CDH12: variants seen among roughly 807,000 people sequenced by gnomAD.
The protein encoded by CDH12 is cadherin-12.
A neutral mutation model predicts 74.1 loss-of-function variants in CDH12; 41 were observed. The ratio of observed to expected loss-of-function variants is 0.55; its 90% CI spans 0.43 to 0.72. CDH12 has a LOEUF of 0.72. CDH12 is among the 30% of genes least tolerant of loss of function. CDH12 has a pLI of 0.00. For missense variants in CDH12, 945 were observed against 977.2 expected, an observed-to-expected ratio of 0.97 and a Z score of 0.44; for synonymous variants, 399 against 355.0, an observed-to-expected ratio of 1.12 and a Z score of -1.39.
chr5:22,158,446 C>T (rs1748150123), intron 4 of CDH12, among the ~76,000 whole-genome samples: 1 of 151,916 alleles, frequency 6.6e-6, no homozygotes, highest in Non-Finnish European at 1.5e-5. Context: ...CCCAGAAAAC[C>T]ACTGGGAGGT....
intron 3 of CDH12, among the ~76,000 whole-genome samples, chr5:22,312,442 T>C (rs1738434326): frequency 6.6e-6 from 1 of 152,206 alleles, no homozygotes; most frequent in African/African-American, 2.4e-5. Flanking sequence ...ATTTTCTAAA[T>C]GTATTCATTC....
intron 4 of CDH12, among the ~76,000 whole-genome samples, chr5:22,097,140 G>A (rs1743830172): frequency 6.6e-6 from 1 of 152,154 alleles, no homozygotes; most frequent in Non-Finnish European, 1.5e-5. Context: ...CTGGCCACCA[G>A]GCCAAAGAAT....
chr5:21,880,553 T>C (rs1274996179), intron 6 of CDH12, among the ~76,000 whole-genome samples: 4 of 132,798 alleles, frequency 3.0e-5, no homozygotes, highest in African/African-American at 8.1e-5. Context: ...CTTCCTTCCT[T>C]CCTTCCTTCC....
At chr5:22,235,058 G>C (rs1245636012) in intron 3 of CDH12, among the ~76,000 whole-genome samples, 2 of 152,004 alleles carry the variant, frequency 1.3e-5, no homozygotes, top group Non-Finnish European at 2.9e-5. Context: ...CTATCGTAAA[G>C]AAATAATATC....
chr5:22,527,458 C>T (rs1334201784), intron 1 of CDH12, among the ~76,000 whole-genome samples: 1 of 152,134 alleles, frequency 6.6e-6, no homozygotes, highest in African/African-American at 2.4e-5. Context: ...TCTAGGAACA[C>T]ACTGATGACC....
intron 3 of CDH12, 117 bp downstream of exon 3, chr5:22,405,140 G>A (rs773218001): frequency 1.2e-5 from 2 of 166,684 alleles, no homozygotes; most frequent in Non-Finnish European, 2.5e-5. Context: ...AACCTAGGAG[G>A]TGGAGGCTGC....
At chr5:22,680,035 A>C (rs1741411241) in intron 1 of CDH12, among the ~76,000 whole-genome samples, 1 of 152,120 alleles carries the variant, frequency 6.6e-6, no homozygotes, top group Non-Finnish European at 1.5e-5. Context: ...AACAGATAGC[A>C]ACAGTGTCCT....
At chr5:22,769,563 T>G (rs1303174585) in intron 1 of CDH12, among the ~76,000 whole-genome samples, 1 of 152,074 alleles carries the variant, frequency 6.6e-6, no homozygotes, top group African/African-American at 2.4e-5. Flanking sequence ...TCGTGGGACT[T>G]CGCCCTGTGA....
Position 22,319,913 on chromosome 5 carries a change from A to G in CDH12, c.-333+85344T>C, listed in dbSNP as rs78065476. 7.3e-3 allele frequency among the ~76,000 whole-genome samples: 1,108 copies of G among 152,140 alleles called. 6 individuals carry two copies. The highest frequency in any genetic ancestry group is 0.023 in the South Asian group (110 of 4,818). On this transcript the variant is annotated intron_variant, in intron 3 of 14. Transcript: ENST00000382254. ...ATAAAAGGAAGAGAAACAGAGGAAGAGGAAGAAGGATAAAAAGGGGAAGAG... is the reference window on the plus strand; with the variant it reads ...ATAAAAGGAAGAGAAACAGAGGAAGGGGAAGAAGGATAAAAAGGGGAAGAG...
chr5:22,048,477 T>A (rs952376756), intron 5 of CDH12, among the ~76,000 whole-genome samples: 2 of 152,278 alleles, frequency 1.3e-5, no homozygotes, highest in South Asian at 2.1e-4. Context: ...GCCACTAAAA[T>A]GTGCAAGTAC....
chr5:22,428,302 ACT>A (rs1325428367), intron 2 of CDH12, among the ~76,000 whole-genome samples: 1 of 151,960 alleles, frequency 6.6e-6, no homozygotes, highest in Non-Finnish European at 1.5e-5. Flanking sequence ...TATAGCGGAA[ACT>A]CTCAATCTCC....
intron 3 of CDH12, among the ~76,000 whole-genome samples, chr5:22,328,695 G>T (rs1342104160): frequency 6.6e-6 from 1 of 152,138 alleles, no homozygotes; most frequent in Non-Finnish European, 1.5e-5. Context: ...TAGAAAAATT[G>T]ATGAAGGCTT....
intron 2 of CDH12, among the ~76,000 whole-genome samples, chr5:22,457,363 TCTTCTCCTTCTCCTTTTC>T (rs1314836241): frequency 6.6e-6 from 1 of 151,858 alleles, no homozygotes; most frequent in Non-Finnish European, 1.5e-5. Context: ...GCCTCTTCTT[TCTTCTCCTTCTCCTTTTC>T]CTTCTCCTTC....
At chr5:22,141,621 C>T (rs887315756) in intron 4 of CDH12, among the ~76,000 whole-genome samples, 1 of 152,030 alleles carries the variant, frequency 6.6e-6, no homozygotes, top group Non-Finnish European at 1.5e-5. Context: ...AAGCCATAAG[C>T]AAGGCAGCAA....
chr5:22,837,324 C>T (rs1015427270), intron 1 of CDH12, among the ~76,000 whole-genome samples: 27 of 152,198 alleles, frequency 1.8e-4, no homozygotes, highest in African/African-American at 6.0e-4. Context: ...AGGAGGATTG[C>T]TTGAGCCCAG....
At chr5:22,086,325 A>T (rs1009856957) in intron 4 of CDH12, among the ~76,000 whole-genome samples, 4 of 150,806 alleles carry the variant, frequency 2.7e-5, no homozygotes, top group Admixed American at 6.6e-5. Context: ...TTTTATTTAT[A>T]TATTTATTTA....
intron 5 of CDH12, among the ~76,000 whole-genome samples, chr5:22,040,537 GA>G (rs1487131506): frequency 6.6e-6 from 1 of 152,098 alleles, no homozygotes; most frequent in Admixed American, 6.5e-5. Context: ...AAGTCCAAGA[GA>G]GAATTTTAAA....
At chr5:22,359,640 CCACATTGCACT>C (rs1228966232) in intron 3 of CDH12, among the ~76,000 whole-genome samples, 1 of 152,190 alleles carries the variant, frequency 6.6e-6, no homozygotes, top group Non-Finnish European at 1.5e-5. Context: ...CTTCTCAGCA[CCACATTGCACT>C]TATTCCAAAA....
At chr5:22,745,041 T>C (rs1745222717) in intron 1 of CDH12, among the ~76,000 whole-genome samples, 1 of 151,348 alleles carries the variant, frequency 6.6e-6, no homozygotes, top group South Asian at 2.1e-4. Context: ...AAATATTAAA[T>C]ATTTATAATT....
Sources: allele counts gnomAD v4.1 joint callset (sites outside exome capture counted in the v4.1 genomes callset), GRCh38; gene constraint gnomAD v4.1.1; transcripts MANE v1.5; gene names NCBI Gene and HGNC (gene_info 2026-07-23, HGNC 2026-07-21).